Variants in SPTB observed in about 807,000 individuals in gnomAD.
SPTB encodes the protein spectrin beta chain, erythrocytic.
Under a neutral mutation model 256.2 loss-of-function variants are expected in SPTB, and 45 were observed. The observed-to-expected ratio is 0.18, with a 90% CI of 0.14 to 0.23. The LOEUF is 0.23. Ranked by LOEUF, SPTB falls within the 10% of genes least tolerant of loss-of-function variation. SPTB has a pLI of 1.00. For missense variants in SPTB, 2,715 were observed against 3,040.4 expected (o/e 0.89, Z 2.52); for synonymous variants, 1,231 against 1,243.1 (o/e 0.99, Z 0.21).
chr14:64,759,516 G>A lies in SPTB; in HGVS notation c.6346-5723C>T, dbSNP rs1212273550. On this transcript the variant is annotated intron_variant, in intron 32 of 35. Transcript: ENST00000644917. This position sits in a 1 kb window ranked among gnomAD's most constrained non-coding sequence, Gnocchi z 4.8. ...ATGAGGGGAGGCTGCCCCCCTGTAA[G>A]CAGGCCATGGTCTGAGGTGGGGACT... 2.0e-5 allele frequency among the ~76,000 whole-genome samples: 3 copies of A among 152,220 alleles called. No individual in the cohort carries two copies. The highest frequency in any genetic ancestry group is 4.4e-5 in the Non-Finnish European group (3 of 68,036).
intron 2 of SPTB, among the ~76,000 whole-genome samples, chr14:64,810,418 C>T (rs1334710890): frequency 1.3e-5 from 2 of 152,174 alleles, no homozygotes; most frequent in South Asian, 2.1e-4. Context: ...GTGGCTCACG[C>T]CTGTAATTCC....
chr14:64,876,241 G>A lies in SPTB; in HGVS notation c.-52+3551C>T, dbSNP rs369238703. ...ACTGCAACCTCTACCGCCCAGGTTCGAGCAATTTTCCTGTCTCAGCCTCCC... is the reference window on the plus strand; with the variant it reads ...ACTGCAACCTCTACCGCCCAGGTTCAAGCAATTTTCCTGTCTCAGCCTCCC... On this transcript the variant is annotated intron_variant, in intron 1 of 35. Coordinates refer to ENST00000644917, the MANE Select transcript of SPTB (RefSeq NM_001355436.2). 2.2e-4 allele frequency among the ~76,000 whole-genome samples: 34 copies of A among 152,168 alleles called. No homozygotes were observed. The South Asian group carries it at 5.8e-3, about 26-fold the overall frequency.
At chr14:64,838,779 C>A (rs1414801061) in intron 1 of SPTB, among the ~76,000 whole-genome samples, 1 of 152,172 alleles carries the variant, frequency 6.6e-6, no homozygotes, top group East Asian at 1.9e-4. Flanking sequence ...TATGACTCAG[C>A]AATTGCATTG....
At chr14:64,755,165 G>C (rs1043974084) in intron 32 of SPTB, 16 of 152,330 alleles carry the variant, frequency 1.1e-4, no homozygotes, top group African/African-American at 3.9e-4. Flanking sequence ...AAGGAGCCAG[G>C]AGAGAGCAGA....
chr14:64,829,809 C>T (rs1042888271), intron 1 of SPTB, among the ~76,000 whole-genome samples: 1 of 152,136 alleles, frequency 6.6e-6, no homozygotes, highest in African/African-American at 2.4e-5. Flanking sequence ...TAAAAGTCAA[C>T]CCCTTCCCAT....
chr14:64,876,828 T>G (rs991810212), intron 1 of SPTB, among the ~76,000 whole-genome samples: 1 of 152,152 alleles, frequency 6.6e-6, no homozygotes, highest in East Asian at 1.9e-4. Flanking sequence ...AAATAAAATC[T>G]CAGTAGTTTG....
rs943276141 is a variant in SPTB, at chr14:64,826,633, T to C, written c.-51-3488A>G. ...GAAAAAAGGCATAAGTACTTCCTTG[T>C]CCATTCATTCCCTGGCTTACCCACA... is the stretch of plus-strand genomic sequence containing the variant. On this transcript the variant is annotated intron_variant, in intron 1 of 35. Transcript: ENST00000644917. This position sits in a 1 kb window ranked among gnomAD's most constrained non-coding sequence, Gnocchi z 4.4. 1.3e-5 allele frequency among the ~76,000 whole-genome samples: 2 copies of C among 152,138 alleles called. No individual in the cohort carries two copies. The highest frequency in any genetic ancestry group is 2.4e-5 in the African/African-American group (1 of 41,422).
intron 28 of SPTB, 100 bp downstream of exon 28, chr14:64,769,490 A>C: frequency 2.7e-6 from 4 of 1,497,488 alleles, no homozygotes; most frequent in Non-Finnish European, 3.6e-6. Flanking sequence ...CAAGCTCCTC[A>C]GAAAAGCTGC....
chr14:64,867,598 A>T (rs1882262837), intron 1 of SPTB, among the ~76,000 whole-genome samples: 1 of 152,194 alleles, frequency 6.6e-6, no homozygotes, highest in African/African-American at 2.4e-5. Context: ...TTATGCCTGT[A>T]ATCCCAGCAC....
rs2083376731 is a variant in SPTB at position 64,826,255 on chromosome 14, C to T, written c.-51-3110G>A. On this transcript the variant is annotated intron_variant, in intron 1 of 35. Transcript: ENST00000644917. This position sits in a 1 kb window ranked among gnomAD's most constrained non-coding sequence, Gnocchi z 4.4. ...CTACAGATAGTTAACAAAAAGCAAA[C>T]ACGAAGATATGCCTGTCCAAAACCA... Among the ~76,000 whole-genome samples the T allele has an allele frequency of 6.6e-6, 1 of 152,162 alleles. No homozygotes were observed. The highest frequency in any genetic ancestry group is 1.5e-5 in the Non-Finnish European group (1 of 68,030).
rs1175103250 is a variant in SPTB at position 64,778,173 on chromosome 14, CA to C, written c.4563+983del. ...GCGACTAGATCATGTCAACCAGAAG[CA>C]AAGGGCCTAAGGCAGCTTTGAAGAA... On this transcript the variant is annotated intron_variant, in intron 22 of 35. Coordinates refer to ENST00000644917, the MANE Select transcript of SPTB (RefSeq NM_001355436.2). This position sits in a 1 kb window ranked among gnomAD's most constrained non-coding sequence, Gnocchi z 5.2. Among the ~76,000 whole-genome samples, 1 of 152,184 alleles carries C rather than the reference CA, an allele frequency of 6.6e-6. No homozygotes were observed. The highest frequency in any genetic ancestry group is 1.5e-5 in the Non-Finnish European group (1 of 68,024).
chr14:64,749,251 T>A lies in SPTB; in HGVS notation c.*55A>T. On this transcript the variant is annotated 3_prime_UTR_variant, in exon 36 of 36. Coordinates refer to ENST00000644917, the MANE Select transcript of SPTB (RefSeq NM_001355436.2). This position sits in a 1 kb window ranked among gnomAD's most constrained non-coding sequence, Gnocchi z 4.7. ...GCGGCGGCGAGAGGAGGCCAAGGCC[T>A]GGGCTGCCCGGTCTCTGCGCGTCCC... is the stretch of plus-strand genomic sequence containing the variant. 6.5e-7 allele frequency: 1 copy of A among 1,535,008 alleles called. No individual in the cohort carries two copies. Among genetic ancestry groups the A allele is most frequent in the Non-Finnish European group, 8.7e-7 (1 of 1,145,368 alleles).
chr14:64,750,188 C>A, intron 33 of SPTB, 34 bp from the exon 34 acceptor site: 1 of 1,604,942 alleles, frequency 6.2e-7, no homozygotes, highest in Non-Finnish European at 8.5e-7. Context: ...TCACCCACAT[C>A]CTGATATGGT....
chr14:64,854,364 C>T (rs1449680588), intron 1 of SPTB, among the ~76,000 whole-genome samples: 5 of 139,360 alleles, frequency 3.6e-5, no homozygotes, highest in Non-Finnish European at 7.7e-5. Flanking sequence ...CTGCAACCTC[C>T]GCCTCCCAGG....
intron 15 of SPTB, among the ~76,000 whole-genome samples, 189 bp downstream of exon 15, chr14:64,791,530 C>T (rs2082672111): frequency 7.2e-6 from 1 of 139,238 alleles, no homozygotes; most frequent in East Asian, 2.1e-4. Flanking sequence ...CGCACCACTG[C>T]ACTCCAGCCT....
At chr14:64,864,441 C>A (rs888328976) in intron 1 of SPTB, among the ~76,000 whole-genome samples, 1 of 152,114 alleles carries the variant, frequency 6.6e-6, no homozygotes, top group African/African-American at 2.4e-5. Flanking sequence ...AGAGCAAGAC[C>A]CCATCTCAAA....
intron 2 of SPTB, among the ~76,000 whole-genome samples, chr14:64,822,626 G>A (rs556072956): frequency 4.6e-5 from 7 of 152,168 alleles, no homozygotes; most frequent in East Asian, 1.9e-4. Context: ...ACCTGCGCCC[G>A]GCTGTCCAGC....
At chr14:64,770,774 C>A (rs186728642) in intron 27 of SPTB, 111 bp downstream of exon 27, 1 of 1,528,792 alleles carries the variant, frequency 6.5e-7, no homozygotes, top group African/African-American at 1.4e-5. Flanking sequence ...TTTCATGGAA[C>A]GATAGTCCAG....
chr14:64,814,265 A>G (rs1369468005), intron 2 of SPTB, among the ~76,000 whole-genome samples: 1 of 152,196 alleles, frequency 6.6e-6, no homozygotes, highest in Non-Finnish European at 1.5e-5. Flanking sequence ...AATAATTTGC[A>G]TGTTTGCTGA....
Sources: allele counts gnomAD v4.1 joint callset (sites outside exome capture counted in the v4.1 genomes callset), GRCh38; gene constraint gnomAD v4.1.1; non-coding constraint Gnocchi (gnomAD v3.1); transcripts MANE v1.5; gene names NCBI Gene and HGNC (gene_info 2026-07-23, HGNC 2026-07-21).